The following CDKL5 variants were observed in gnomAD, a reference collection of about 807,000 sequenced individuals.
CDKL5 encodes the protein cyclin-dependent kinase-like 5.
In CDKL5, 8 loss-of-function variants were observed where a neutral mutation model predicts 61.7. That is an observed-to-expected ratio of 0.13 (90% CI 0.08 to 0.23). CDKL5 has a LOEUF of 0.23. Ranked by LOEUF, CDKL5 falls within the 10% of genes least tolerant of loss-of-function variation. The probability of loss-of-function intolerance (pLI) is 1.00; values close to 1 mark genes in which losing one functional copy is unlikely to be tolerated. For missense variants in CDKL5, 440 were observed against 734.5 expected, an observed-to-expected ratio of 0.60 and a Z score of 4.63; for synonymous variants, 275 against 272.3, an observed-to-expected ratio of 1.01 and a Z score of -0.10.
chrX:18,541,808 C>T (rs777039710), intron 3 of CDKL5, among the ~76,000 whole-genome samples: 1 of 111,798 alleles, frequency 8.9e-6, no homozygotes, highest in Non-Finnish European at 1.9e-5. Flanking sequence ...GTGTGAACCA[C>T]CATGCCTGGC....
chrX:18,608,652 C>G (rs944362347), intron 12 of CDKL5, among the ~76,000 whole-genome samples, 159 bp from the exon 13 acceptor site: 2 of 111,750 alleles, frequency 1.8e-5, no homozygotes, highest in Non-Finnish European at 3.8e-5. Flanking sequence ...ATATTACATT[C>G]ATCAGATTAT....
intron 1 of CDKL5, among the ~76,000 whole-genome samples, chrX:18,471,896 C>T (rs968885029): frequency 1.2e-4 from 13 of 110,246 alleles, no homozygotes; most frequent in Admixed American, 3.9e-4. Context: ...GGCACCACCA[C>T]GCCTTGCTAA....
chrX:18,538,792 G>C (rs1335350714), intron 3 of CDKL5, among the ~76,000 whole-genome samples: 1 of 112,157 alleles, frequency 8.9e-6, no homozygotes, highest in African/African-American at 3.2e-5. Context: ...AGATGAGACT[G>C]TATAAGATTG....
intron 1 of CDKL5, chrX:18,443,878 A>G (rs984998495): frequency 7.1e-5 from 8 of 112,053 alleles, no homozygotes; most frequent in African/African-American, 1.3e-4. Context: ...ATCTGGGATT[A>G]CAGGTGTGAA....
In CDKL5 at chrX:18,604,749, C is replaced by T; in HGVS notation, c.1825C>T (p.His609Tyr). ...TSPFSSQQRP[H>Y]RHSMYVTRDK... ...CCCCTTTTCTTCCCAGCAACGTCCTCATAGGCATTCTATGTATGTGACCCG... is the reference window on the plus strand; with the variant it reads ...CCCCTTTTCTTCCCAGCAACGTCCTTATAGGCATTCTATGTATGTGACCCG... Residue 609 changes from histidine (H) to tyrosine (Y), a missense_variant, in exon 12 of 18, where the codon CAT (histidine) becomes TAT (tyrosine). Around this residue, in one of 2 missense-constraint regions of CDKL5, gnomAD observed 363 missense variants for 516.3 expected, o/e 0.70. Coordinates refer to ENST00000623535, the MANE Select transcript of CDKL5 (RefSeq NM_001323289.2). The T allele has an allele frequency of 8.3e-7, 1 of 1,211,686 alleles. No homozygotes were observed. Among genetic ancestry groups the T allele is most frequent in the African/African-American group, 1.7e-5 (1 of 57,727 alleles).
intron 3 of CDKL5, among the ~76,000 whole-genome samples, chrX:18,559,861 T>C (rs376908150): frequency 2.0e-5 from 2 of 99,664 alleles, no homozygotes; most frequent in Non-Finnish European, 4.0e-5. Flanking sequence ...TCAGTTCCCA[T>C]CTATGAGTGA....
chrX:18,474,229 G>A (rs982553049), intron 1 of CDKL5, among the ~76,000 whole-genome samples: 1 of 111,365 alleles, frequency 9.0e-6, no homozygotes, highest in African/African-American at 3.3e-5. Flanking sequence ...TTGTTACCTT[G>A]ATAGCATTAG....
chrX:18,646,558 C>T (rs1033001061), intron 20 of CDKL5, among the ~76,000 whole-genome samples: 3 of 112,306 alleles, frequency 2.7e-5, no homozygotes, highest in Non-Finnish European at 3.8e-5. Context: ...CTAACTAATA[C>T]GCACTCAGGG....
intron 3 of CDKL5, among the ~76,000 whole-genome samples, chrX:18,526,893 C>A (rs1464549761): frequency 9.1e-6 from 1 of 110,463 alleles, no homozygotes; most frequent in Non-Finnish European, 1.9e-5. Context: ...AGGCGATTCT[C>A]CTGCCTCAGC....
At chrX:18,491,143 A>G (rs1026664028) in intron 1 of CDKL5, among the ~76,000 whole-genome samples, 4 of 112,145 alleles carry the variant, frequency 3.6e-5, no homozygotes, top group Admixed American at 9.5e-5. Context: ...AATTTACTCA[A>G]TTGCTCTGGA....
intron 16 of CDKL5, among the ~76,000 whole-genome samples, chrX:18,622,106 C>T (rs1428109046): frequency 1.8e-5 from 2 of 111,785 alleles, no homozygotes; most frequent in African/African-American, 3.3e-5. Context: ...AACCTAAAGT[C>T]CCTGGCTCAC....
intron 3 of CDKL5, among the ~76,000 whole-genome samples, chrX:18,533,405 G>A (rs2045315596): frequency 9.0e-6 from 1 of 111,721 alleles, no homozygotes; most frequent in Non-Finnish European, 1.9e-5. Context: ...TAGCAGATTA[G>A]TGGGTGGTAT....
chrX:18,647,128 G>T (rs1302987372), intron 20 of CDKL5: 1 of 1,160,051 alleles, frequency 8.6e-7, no homozygotes, highest in African/African-American at 1.8e-5. Flanking sequence ...TGTTGGCCAC[G>T]CTGGTAGAGA....
At chrX:18,577,801 CAA>C (rs1259649059) in intron 5 of CDKL5, among the ~76,000 whole-genome samples, 6 of 112,138 alleles carry the variant, frequency 5.4e-5, no homozygotes, top group East Asian at 2.8e-4. Flanking sequence ...GAATGTGAAA[CAA>C]GAGATACAAT....
intron 6 of CDKL5, 63 bp downstream of exon 6, chrX:18,580,031 C>T (rs372462312): frequency 1.6e-5 from 15 of 934,825 alleles, no homozygotes; most frequent in East Asian, 1.6e-4. Context: ...GAGTATTTCA[C>T]ATGTTACTGT....
chrX:18,553,999 C>G (rs1304011372), intron 3 of CDKL5, among the ~76,000 whole-genome samples: 6 of 110,355 alleles, frequency 5.4e-5, no homozygotes, highest in Non-Finnish European at 1.1e-4. Flanking sequence ...ATCAATGTTT[C>G]CTGTAATAAT....
At chrX:18,434,001 G>C (rs1931556201) in intron 1 of CDKL5, among the ~76,000 whole-genome samples, 1 of 112,068 alleles carries the variant, frequency 8.9e-6, no homozygotes, top group South Asian at 3.7e-4. Flanking sequence ...ACTGGATTGT[G>C]ATGGGATTTG....
chrX:18,509,197 G>GCGCACGCACA (rs1555940193), intron 2 of CDKL5, among the ~76,000 whole-genome samples: 3 of 64,314 alleles, frequency 4.7e-5, no homozygotes, highest in Non-Finnish European at 8.4e-5. Context: ...CTCAAAACAC[G>GCGCACGCACA]CACACACACA....
intron 3 of CDKL5, among the ~76,000 whole-genome samples, chrX:18,544,464 G>A (rs573834453): frequency 9.0e-6 from 1 of 111,665 alleles, no homozygotes; most frequent in Middle Eastern, 4.6e-3. Context: ...AATCCTAATA[G>A]CAACCTCAGG....
Sources: allele counts gnomAD v4.1 joint callset (sites outside exome capture counted in the v4.1 genomes callset), GRCh38; gene constraint gnomAD v4.1.1; regional missense constraint gnomAD v4.1.1; transcripts MANE v1.5; gene names NCBI Gene and HGNC (gene_info 2026-07-23, HGNC 2026-07-21).